SCARF2: variants seen among roughly 807,000 people sequenced by gnomAD.
SCARF2 encodes scavenger receptor class F member 2.
SCARF2 carries 39 observed loss-of-function variants against 73.4 expected under a neutral mutation model. That is an observed-to-expected ratio of 0.53 (90% confidence interval 0.41 to 0.69). The LOEUF (loss-of-function observed/expected upper bound fraction) is 0.69, where lower values mean the gene tolerates loss of function less well. SCARF2 is among the 30% of genes least tolerant of loss of function. The pLI is 0.00. For missense variants in SCARF2, 1,148 were observed against 1,303.5 expected, an observed-to-expected ratio of 0.88 and a Z score of 1.84; for synonymous variants, 605 against 590.0, an observed-to-expected ratio of 1.03 and a Z score of -0.37.
intron 1 of SCARF2, among the ~76,000 whole-genome samples, chr22:20,436,937 T>C (rs1232472059): frequency 1.3e-5 from 2 of 152,126 alleles, no homozygotes; most frequent in Non-Finnish European, 2.9e-5. Flanking sequence ...CGGCCCCTTC[T>C]TGCACCCAGA....
chr22:20,431,686 C>T, intron 3 of SCARF2, 59 bp downstream of exon 3: 2 of 1,524,778 alleles, frequency 1.3e-6, no homozygotes, highest in East Asian at 2.5e-5. Flanking sequence ...CCTTGGACCC[C>T]GCCCCATCTC....
At chr22:20,435,938 CT>C (rs1421124431) in intron 1 of SCARF2, among the ~76,000 whole-genome samples, 2 of 152,238 alleles carry the variant, frequency 1.3e-5, no homozygotes, top group Admixed American at 1.3e-4. Flanking sequence ...AAGGGAAGGG[CT>C]GATGGAAGCC....
intron 9 of SCARF2, among the ~76,000 whole-genome samples, chr22:20,428,254 T>C (rs368690136): frequency 2.2e-4 from 32 of 144,370 alleles, no homozygotes; most frequent in African/African-American, 5.5e-4. Flanking sequence ...TCTTTCTTCT[T>C]TTCTCTTCTC....
rs1307120079 is a variant in SCARF2 at position 20,426,246 on chromosome 22, G to A, written c.1730C>T (p.Thr577Ile). ...PAESRDPEVPTVPAEAPAPSP... is the reference protein window; with the variant it reads ...PAESRDPEVPIVPAEAPAPSP... ...CGGCGCCGGCGCCTCGGCAGGGACA[G>A]TGGGGACTTCGGGGTCCCGGCTCTC... Residue 577 changes from threonine to isoleucine, a missense_variant, in exon 11 of 11, where the codon ACT (threonine) becomes ATT (isoleucine). Physicochemically the swap from Thr to Ile is moderately conservative, Grantham distance 89. Transcript: ENST00000622235. 1 of 1,537,034 alleles carries A rather than the reference G, an allele frequency of 6.5e-7. No homozygotes were observed.
chr22:20,427,608 A>C (rs2052595229), intron 9 of SCARF2, 58 bp from the exon 10 acceptor site: 1 of 1,596,648 alleles, frequency 6.3e-7, no homozygotes, highest in Non-Finnish European at 8.5e-7. Context: ...CGGTGCCCTC[A>C]TTAGCCCCTG....
rs769729711 is a variant in SCARF2 at position 20,425,479 on chromosome 22, C to G, written c.2497G>C (p.Ala833Pro). 5.3e-5 allele frequency: 73 copies of G among 1,372,976 alleles called. No individual in the cohort carries two copies. Among genetic ancestry groups the G allele is most frequent in the Non-Finnish European group, 6.6e-5 (70 of 1,062,786 alleles). 85.0% of individuals were successfully genotyped at this position (1,372,976 alleles called of 1,614,324 possible). A position where few individuals can be genotyped will look rare whatever the true frequency, so the allele number is the denominator to read the frequency against. Residue 833 changes from alanine (A) to proline (P), a missense_variant, in exon 11 of 11, where the codon GCG becomes CCG. Ala to Pro is a conservative substitution (Grantham distance 27, BLOSUM62 -1). Coordinates refer to ENST00000622235, the MANE Select transcript of SCARF2 (RefSeq NM_182895.5). This position sits in a 1 kb window ranked among gnomAD's most constrained non-coding sequence, Gnocchi z 4.6. ...GTCTTCTTCCGGGGGGTCTCAGGCG[C>G]GGGCAAGTCGGTCGCCGCCTTCTCA... is the stretch of plus-strand genomic sequence containing the variant. ...GPEKAATDLP[A>P]PETPRKKTPI...
At chr22:20,431,616 C>T in intron 3 of SCARF2, 79 bp from the exon 4 acceptor site, 1 of 1,542,992 alleles carries the variant, frequency 6.5e-7, no homozygotes, top group Non-Finnish European at 8.7e-7. Flanking sequence ...CTGCCCGCGT[C>T]CCGCACTCCA....
rs1302813717 is a variant in SCARF2 at position 20,430,238 on chromosome 22, G to A, written c.1202+191C>T. On this transcript the variant is annotated intron_variant, in intron 6 of 10. Coordinates refer to ENST00000622235, the MANE Select transcript of SCARF2 (RefSeq NM_182895.5). ...GGCTGGACTGGTCACCAGATCCTGC[G>A]CTGAACGTGAGCTCCCCGACATCCA... Among the ~76,000 whole-genome samples the A allele has an allele frequency of 2.6e-5, 4 of 152,192 alleles. No homozygotes were observed. In the East Asian group the frequency reaches 7.7e-4, roughly 29 times the overall value.
In SCARF2 at chr22:20,428,167, T is replaced by C. The variant is rs191663137; in HGVS notation, c.1541-617A>G. 4.7e-3 allele frequency among the ~76,000 whole-genome samples: 720 copies of C among 152,316 alleles called. 3 individuals are homozygous for C. Among genetic ancestry groups the C allele is most frequent in the South Asian group, 0.022 (104 of 4,828 alleles). ...GTGGGCCAAGGGGTTTTCTCTCTCTTGCTTGCTTGCTTTTTCTTTTCTTTC... is the reference window on the plus strand; with the variant it reads ...GTGGGCCAAGGGGTTTTCTCTCTCTCGCTTGCTTGCTTTTTCTTTTCTTTC... On this transcript the variant is annotated intron_variant, in intron 9 of 10. Coordinates refer to ENST00000622235, the MANE Select transcript of SCARF2 (RefSeq NM_182895.5).
rs150746534 is a variant in SCARF2, at chr22:20,425,998, C to T, written c.1978G>A (p.Ala660Thr). Residue 660 changes from alanine (A) to threonine (T), a missense_variant, in exon 11 of 11, where the codon GCC becomes ACC. By Grantham distance (58) the Ala-to-Thr change is moderately conservative. Transcript: ENST00000622235. The surrounding 1 kb of genome is among the most constrained non-coding windows in gnomAD (Gnocchi z 4.6). ...ERRKPPPPDP[A>T]TKPKVSWIHG... ...ATCCAGGACACCTTAGGCTTGGTGG[C>T]GGGGTCAGGTGGCGGCGGTTTCCTG... 10 of 1,584,510 alleles carry T rather than the reference C, an allele frequency of 6.3e-6. No homozygotes were observed. The African/African-American group carries it at 7.0e-5, about 11-fold the overall frequency.
chr22:20,437,605 G>A lies in SCARF2; in HGVS notation c.150C>T (p.Gly50=), dbSNP rs2052715631. 6.4e-7 allele frequency: 1 copy of A among 1,572,708 alleles called. No individual in the cohort carries two copies. The highest frequency in any genetic ancestry group is 1.7e-5 in the Admixed American group (1 of 57,174). ...TVAPQELNPR[G]RNVCRAPGSQ... ...ACCCGGGAGCACGGCACACGTTGCG[G>A]CCGCGAGGGTTCAGTTCCTGAGGCG... The change falls in exon 1 of 11, where the codon GGC becomes GGT. Residue 50 remains glycine, a synonymous_variant. Coordinates refer to ENST00000622235, the MANE Select transcript of SCARF2 (RefSeq NM_182895.5).
chr22:20,425,341 C>G lies in SCARF2; in HGVS notation c.*34G>C. ...TGGGGTGGCGGGCGGCGCTGCGAAGCTGAGGGAGCTGCGCGCGGACGAGCC... is the reference window on the plus strand; with the variant it reads ...TGGGGTGGCGGGCGGCGCTGCGAAGGTGAGGGAGCTGCGCGCGGACGAGCC... On this transcript the variant is annotated 3_prime_UTR_variant, in exon 11 of 11. Transcript: ENST00000622235. The surrounding 1 kb of genome is among the most constrained non-coding windows in gnomAD (Gnocchi z 4.6). The G allele has an allele frequency of 7.4e-7, 1 of 1,358,862 alleles. No homozygotes were observed. The allele number at this position is 1,358,862 out of a possible 1,614,324, so 84.2% of individuals were successfully genotyped here. A position where few individuals can be genotyped will look rare whatever the true frequency, so the allele number is the denominator to read the frequency against.
intron 10 of SCARF2, among the ~76,000 whole-genome samples, chr22:20,426,549 C>T (rs1161857769): frequency 2.0e-5 from 3 of 152,230 alleles, no homozygotes; most frequent in Non-Finnish European, 2.9e-5. Context: ...GCCTGGCAGC[C>T]CTGCCCCAAC....
intron 5 of SCARF2, 49 bp downstream of exon 5, chr22:20,430,641 G>A (rs2052633558): frequency 1.2e-6 from 2 of 1,601,548 alleles, no homozygotes; most frequent in Admixed American, 1.7e-5. Context: ...TGTTAGGGAG[G>A]CAGGGCGGGG....
At position 20,430,413 on chromosome 22, in the gene SCARF2, G is replaced by A; in HGVS notation, c.1202+16C>T. ...GGTACAAGCCCCCAACCCCCTCCCG[G>A]TCCCGGGGCACTCACTGGGGCCCGT... On this transcript the variant is annotated intron_variant, in intron 6 of 10. Transcript: ENST00000622235. 6.3e-7 allele frequency: 1 copy of A among 1,583,178 alleles called. No individual in the cohort carries two copies. Among genetic ancestry groups the A allele is most frequent in the Non-Finnish European group, 8.6e-7 (1 of 1,165,100 alleles).
intron 10 of SCARF2, 53 bp downstream of exon 10, chr22:20,427,345 C>A: frequency 6.2e-7 from 1 of 1,608,606 alleles, no homozygotes; most frequent in Non-Finnish European, 8.5e-7. Flanking sequence ...CACAGCTTTT[C>A]CATGGGAACA....
chr22:20,437,756 AGGCGCGGGGCAGGCGCGGGGCGGGCACG>A lies in SCARF2; in HGVS notation c.-30_-3del. ...CCCCCGGGGCCCTGCGCCCTCCATG[AGGCGCGGGGCAGGCGCGGGGCGGGCACG>A]GGCGCGGGTGCGGCCGCAGCGAGAG... On this transcript the variant is annotated 5_prime_UTR_variant, in exon 1 of 11. Transcript: ENST00000622235. 6 of 1,055,326 alleles carry A rather than the reference AGGCGCGGGGCAGGCGCGGGGCGGGCACG, an allele frequency of 5.7e-6. No individual in the cohort carries two copies. The highest frequency in any genetic ancestry group is 6.8e-6 in the Non-Finnish European group (6 of 877,994). The allele number at this position is 1,055,326 out of a possible 1,614,324, so 65.4% of individuals were successfully genotyped here. A position where few individuals can be genotyped will look rare whatever the true frequency, so the allele number is the denominator to read the frequency against.
chr22:20,437,460 A>T, intron 1 of SCARF2, 122 bp downstream of exon 1: 2 of 1,054,678 alleles, frequency 1.9e-6, no homozygotes, highest in Non-Finnish European at 2.6e-6. Context: ...CTGGCTAGGG[A>T]GCCGAAGGGG....
chr22:20,437,731 C>T lies in SCARF2; in HGVS notation c.24G>A (p.Gly8=), dbSNP rs1448029740. MEGAGPR[G]AGPARRRGAG... is the part of the protein sequence containing the mutation. ...CTCCCCGGCGCCGCGCCGGCCCGGC[C>T]CCCCGGGGCCCTGCGCCCTCCATGA... Residue 8 remains glycine, a synonymous_variant, in exon 1 of 11, where the codon GGG becomes GGA. Coordinates refer to ENST00000622235, the MANE Select transcript of SCARF2 (RefSeq NM_182895.5). 6.4e-6 allele frequency: 8 copies of T among 1,249,670 alleles called. No homozygotes were observed. Among genetic ancestry groups the T allele is most frequent in the Non-Finnish European group, 7.0e-6 (7 of 1,002,038 alleles). 77.4% of individuals were successfully genotyped at this position (1,249,670 alleles called of 1,614,324 possible).
Sources: gnomAD v4.1 joint callset for allele counts (sites outside exome capture counted in the v4.1 genomes callset) on GRCh38, gnomAD v4.1.1 for gene constraint, Gnocchi (gnomAD v3.1) non-coding constraint, MANE v1.5 for transcripts, NCBI Gene and HGNC (gene_info 2026-07-23, HGNC 2026-07-21) for gene names.